The following DDR2 variants were observed in gnomAD, a reference collection of about 807,000 sequenced individuals.
The protein encoded by DDR2 is discoidin domain-containing receptor 2.
A neutral mutation model predicts 94.9 loss-of-function variants in DDR2; 27 were observed. The ratio of observed to expected loss-of-function variants is 0.28; its 90% CI spans 0.21 to 0.39. DDR2 has a LOEUF of 0.39. Ranked by LOEUF, DDR2 falls within the 10% of genes least tolerant of loss-of-function variation. DDR2 has a pLI of 1.00. For synonymous variants in DDR2, 382 were observed against 377.2 expected (o/e 1.01, Z -0.15); for missense variants, 783 against 1,076.0 (o/e 0.73, Z 3.81).
At chr1:162,737,928 C>G (rs541043899) in intron 3 of DDR2, among the ~76,000 whole-genome samples, 1 of 151,682 alleles carries the variant, frequency 6.6e-6, no homozygotes, top group Admixed American at 6.6e-5. Flanking sequence ...AGCATTTTTT[C>G]ATGTGTTTTT....
chr1:162,650,671 T>A (rs888043329), intron 1 of DDR2, among the ~76,000 whole-genome samples: 2 of 152,042 alleles, frequency 1.3e-5, no homozygotes, highest in Admixed American at 6.6e-5. Flanking sequence ...GCTTTTCGAC[T>A]CCCTCCTTCT....
At chr1:162,745,154 T>C (rs1662789465) in intron 3 of DDR2, among the ~76,000 whole-genome samples, 1 of 152,248 alleles carries the variant, frequency 6.6e-6, no homozygotes, top group African/African-American at 2.4e-5. Flanking sequence ...GAAATGTCTA[T>C]TCAACTTCTT....
chr1:162,698,519 G>T (rs1240743080), intron 2 of DDR2, among the ~76,000 whole-genome samples: 2 of 152,098 alleles, frequency 1.3e-5, no homozygotes, highest in African/African-American at 2.4e-5. Flanking sequence ...TTCTGGATGT[G>T]CCATGGTGAA....
rs549236278 is a variant in DDR2 at position 162,651,733 on chromosome 1, C to G, written c.-191-3478C>G. ...TAATCTATTGAAATAATGTAATAAT[C>G]TTAATCTCCTAACAAAATACTAATA... On this transcript the variant is annotated intron_variant, in intron 1 of 17. Transcript: ENST00000367921. 6.6e-5 allele frequency among the ~76,000 whole-genome samples: 10 copies of G among 152,262 alleles called. No individual in the cohort carries two copies. In the East Asian group the frequency reaches 1.7e-3, roughly 26 times the overall value.
chr1:162,771,805 G>T (rs1398507752), intron 12 of DDR2, among the ~76,000 whole-genome samples: 6 of 152,192 alleles, frequency 3.9e-5, no homozygotes, highest in Admixed American at 3.9e-4. Flanking sequence ...TAATGATCAT[G>T]TATTATGAGG....
At chr1:162,660,932 G>A (rs970053824) in intron 2 of DDR2, among the ~76,000 whole-genome samples, 5 of 152,208 alleles carry the variant, frequency 3.3e-5, no homozygotes, top group Admixed American at 6.5e-5. Context: ...TACTATCTGG[G>A]ACTTTATAGA....
At chr1:162,633,096 T>C (rs1009901757) in intron 1 of DDR2, among the ~76,000 whole-genome samples, 1 of 152,182 alleles carries the variant, frequency 6.6e-6, no homozygotes, top group Non-Finnish European at 1.5e-5. Context: ...GGGGAGTTGC[T>C]GATTTACTTG....
chr1:162,695,295 G>A (rs1042959105), intron 2 of DDR2, among the ~76,000 whole-genome samples: 20 of 152,248 alleles, frequency 1.3e-4, no homozygotes, highest in African/African-American at 3.8e-4. Context: ...GCAGTGGTGC[G>A]ATCTTGGCTC....
chr1:162,739,689 G>T (rs919104780), intron 3 of DDR2, among the ~76,000 whole-genome samples: 1 of 152,194 alleles, frequency 6.6e-6, no homozygotes, highest in African/African-American at 2.4e-5. Context: ...GTGAGCGGAA[G>T]AATTTCATGA....
At chr1:162,639,764 A>G (rs1010832647) in intron 1 of DDR2, among the ~76,000 whole-genome samples, 1 of 152,246 alleles carries the variant, frequency 6.6e-6, no homozygotes, top group Non-Finnish European at 1.5e-5. Context: ...CGATTTTTCA[A>G]CTTTACGACA....
At chr1:162,704,218 A>G (rs1346760972) in intron 2 of DDR2, among the ~76,000 whole-genome samples, 1 of 152,194 alleles carries the variant, frequency 6.6e-6, no homozygotes, top group Non-Finnish European at 1.5e-5. Flanking sequence ...TAGATAAAGC[A>G]TCTCCCTGCC....
In DDR2 at chr1:162,731,739, G is replaced by A. The variant is rs13376288; in HGVS notation, c.82+12594G>A. Among the ~76,000 whole-genome samples, 1,099 of 152,264 alleles carry A rather than the reference G, an allele frequency of 7.2e-3. 13 individuals are homozygous for A. Among genetic ancestry groups the A allele is most frequent in the African/African-American group, 0.025 (1,036 of 41,546 alleles). On this transcript the variant is annotated intron_variant, in intron 3 of 17. Coordinates refer to ENST00000367921, the MANE Select transcript of DDR2 (RefSeq NM_006182.4). ...AGCCCCATTACATTCTATAAAGTAT[G>A]CTAACTTCTTTGTATACATTATGTT...
At chr1:162,770,247 G>T in intron 11 of DDR2, 55 bp from the exon 12 acceptor site, 2 of 1,532,174 alleles carry the variant, frequency 1.3e-6, no homozygotes, top group Non-Finnish European at 1.8e-6. Context: ...AGAAGAGGAG[G>T]CATTGACCAT....
At chr1:162,715,730 G>A (rs1202479420) in intron 2 of DDR2, among the ~76,000 whole-genome samples, 4 of 152,304 alleles carry the variant, frequency 2.6e-5, no homozygotes, top group Non-Finnish European at 4.4e-5. Context: ...TAGCTTCCTT[G>A]TTGTTGAAAA....
chr1:162,774,723 T>C (rs1647431291), intron 14 of DDR2, among the ~76,000 whole-genome samples: 1 of 152,146 alleles, frequency 6.6e-6, no homozygotes, highest in Admixed American at 6.5e-5. Flanking sequence ...TCGGTGAAGT[T>C]TGCCATTCCT....
chr1:162,713,276 C>T (rs1347599150), intron 2 of DDR2, among the ~76,000 whole-genome samples: 1 of 152,210 alleles, frequency 6.6e-6, no homozygotes, highest in South Asian at 2.1e-4. Context: ...ACACCTCCAA[C>T]TCTCGGAAAT....
intron 2 of DDR2, among the ~76,000 whole-genome samples, chr1:162,694,396 TG>T: frequency 6.6e-6 from 1 of 152,262 alleles, no homozygotes; most frequent in East Asian, 1.9e-4. Flanking sequence ...CTTTAGTCTC[TG>T]GGTCTTTCTT....
rs12076259 is a variant in DDR2, at chr1:162,778,343, T to C, written c.2284-237T>C. On this transcript the variant is annotated intron_variant, in intron 16 of 17. Transcript: ENST00000367921. ...CCTAACACTCAGTTGCAGAGTCAAA[T>C]AGCTTATGGCTGCGTTTTTTTCAGC... Among the ~76,000 whole-genome samples the C allele has an allele frequency of 0.016, 2,460 of 152,286 alleles. 55 individuals are homozygous for C. Among genetic ancestry groups the C allele is most frequent in the African/African-American group, 0.056 (2,343 of 41,558 alleles).
chr1:162,640,410 A>G (rs993313749), intron 1 of DDR2, among the ~76,000 whole-genome samples: 2 of 152,296 alleles, frequency 1.3e-5, no homozygotes, highest in African/African-American at 4.8e-5. Flanking sequence ...AAATGTGCCA[A>G]TGTCGTGAGG....
Sources: gnomAD v4.1 joint callset for allele counts (sites outside exome capture counted in the v4.1 genomes callset) on GRCh38, gnomAD v4.1.1 for gene constraint, MANE v1.5 for transcripts, NCBI Gene and HGNC (gene_info 2026-07-23, HGNC 2026-07-21) for gene names.